The following CDH22 variants were observed in gnomAD, a reference collection of about 807,000 sequenced individuals.
The protein encoded by CDH22 is cadherin-22.
CDH22 carries 30 observed loss-of-function variants against 58.4 expected under a neutral mutation model. The ratio of observed to expected loss-of-function variants is 0.51; its 90% confidence interval spans 0.38 to 0.70. The LOEUF (loss-of-function observed/expected upper bound fraction) is 0.70, where lower values mean the gene tolerates loss of function less well. CDH22 is among the 30% of genes least tolerant of loss of function. CDH22 has a pLI of 0.00. For missense variants in CDH22, 1,014 were observed against 1,233.9 expected, an observed-to-expected ratio of 0.82 and a Z score of 2.67; for synonymous variants, 513 against 558.2, an observed-to-expected ratio of 0.92 and a Z score of 1.14.
At chr20:46,269,208 C>T (rs139195064) in intron 1 of CDH22, among the ~76,000 whole-genome samples, 11 of 152,258 alleles carry the variant, frequency 7.2e-5, no homozygotes, top group Non-Finnish European at 1.5e-4. Context: ...CTCAGTGTCC[C>T]GCTCTGCCCC....
intron 1 of CDH22, among the ~76,000 whole-genome samples, chr20:46,303,739 T>C (rs1415950692): frequency 6.6e-6 from 1 of 151,526 alleles, no homozygotes; most frequent in Non-Finnish European, 1.5e-5. Context: ...GGAGGCACAG[T>C]GGGAGATAAA....
At chr20:46,236,454 C>T (rs1021376622) in intron 3 of CDH22, among the ~76,000 whole-genome samples, 1 of 145,422 alleles carries the variant, frequency 6.9e-6, no homozygotes, top group Non-Finnish European at 1.5e-5. Context: ...GCACTCACAC[C>T]ATCAGGCATA....
chr20:46,187,072 T>C (rs2085832007), intron 8 of CDH22, 125 bp from the exon 9 acceptor site: 1 of 961,724 alleles, frequency 1.0e-6, no homozygotes, highest in Non-Finnish European at 1.5e-6. Context: ...TTAACCAAGC[T>C]GGTACAAGGA....
intron 1 of CDH22, among the ~76,000 whole-genome samples, chr20:46,289,193 T>G (rs373756127): frequency 5.3e-5 from 8 of 152,200 alleles, no homozygotes; most frequent in African/African-American, 1.4e-4. Flanking sequence ...GATGTCTGCC[T>G]GGCTCACTCT....
intron 1 of CDH22, among the ~76,000 whole-genome samples, chr20:46,297,506 C>T (rs2086633954): frequency 6.6e-6 from 1 of 151,690 alleles, no homozygotes; most frequent in Non-Finnish European, 1.5e-5. Flanking sequence ...ATTGGGGGCT[C>T]TATCTTGAGA....
intron 3 of CDH22, among the ~76,000 whole-genome samples, chr20:46,228,683 G>A (rs940832190): frequency 4.8e-4 from 73 of 152,234 alleles, no homozygotes; most frequent in African/African-American, 1.6e-3. Flanking sequence ...TTCAGGATAC[G>A]ACCCAAAGGG....
At chr20:46,183,251 C>A (rs2085801724) in intron 10 of CDH22, among the ~76,000 whole-genome samples, 1 of 152,140 alleles carries the variant, frequency 6.6e-6, no homozygotes, top group Non-Finnish European at 1.5e-5. Flanking sequence ...CTCCCTGCTG[C>A]CTCAGCCTTT....
intron 1 of CDH22, among the ~76,000 whole-genome samples, chr20:46,257,095 C>G (rs187181857): frequency 5.4e-4 from 81 of 151,246 alleles, no homozygotes; most frequent in African/African-American, 1.8e-3. Flanking sequence ...ATCATTTGAG[C>G]CCAGGAGTTC....
chr20:46,269,858 A>C (rs1034000230), intron 1 of CDH22, among the ~76,000 whole-genome samples: 4 of 152,034 alleles, frequency 2.6e-5, no homozygotes, highest in African/African-American at 9.7e-5. Context: ...CAGCCTTGTG[A>C]CTTCTTCCTA....
At position 46,210,316 on chromosome 20, in the gene CDH22, C is replaced by T; in HGVS notation, c.1277G>A (p.Arg426Gln). The T allele has an allele frequency of 1.4e-6, 2 of 1,444,838 alleles. No homozygotes were observed. Among genetic ancestry groups the T allele is most frequent in the East Asian group, 3.0e-5 (1 of 33,182 alleles). 89.5% of individuals were successfully genotyped at this position (1,444,838 alleles called of 1,614,324 possible). A position where few individuals can be genotyped will look rare whatever the true frequency, so the allele number is the denominator to read the frequency against. The part of the protein sequence containing the change: ...VTARDPDAAN[R>Q]PVRYAIDRES... ...CGGGCGGGGGTCTCACCGGACGGGC[C>T]GGTTGGCGGCGTCGGGGTCCCGCGC... Residue 426 changes from arginine to glutamine, a missense_variant, in exon 7 of 12, where the codon CGG (arginine) becomes CAG (glutamine). This residue lies in a region of CDH22 where 806 missense variants were observed against 1,038.7 expected (regional missense o/e 0.78). Transcript: ENST00000537909. This position sits in a 1 kb window ranked among gnomAD's most constrained non-coding sequence, Gnocchi z 4.5.
At chr20:46,285,133 T>A (rs952283561) in intron 1 of CDH22, among the ~76,000 whole-genome samples, 6 of 152,214 alleles carry the variant, frequency 3.9e-5, no homozygotes, top group African/African-American at 1.4e-4. Flanking sequence ...CTGGGAAGCT[T>A]GCCTTTGCAT....
At chr20:46,286,501 T>G (rs904870406) in intron 1 of CDH22, among the ~76,000 whole-genome samples, 9 of 152,094 alleles carry the variant, frequency 5.9e-5, no homozygotes, top group Admixed American at 3.9e-4. Flanking sequence ...GGGAGTGAAG[T>G]TCCAGGATCA....
intron 3 of CDH22, among the ~76,000 whole-genome samples, chr20:46,234,834 C>A (rs2145719928): frequency 6.6e-6 from 1 of 152,358 alleles, no homozygotes; most frequent in Admixed American, 6.5e-5. Context: ...GATCTGCTAC[C>A]ACTTTGAGGT....
At chr20:46,181,752 C>CTTCTTTCTTTCTTTCTCT (rs2085788979) in intron 10 of CDH22, among the ~76,000 whole-genome samples, 5 of 26,272 alleles carry the variant, frequency 1.9e-4, no homozygotes, top group Admixed American at 1.4e-3. Flanking sequence ...TCCTTCCTTC[C>CTTCTTTCTTTCTTTCTCT]TTCTTTCTTT....
chr20:46,301,768 G>A (rs866347460), intron 1 of CDH22, among the ~76,000 whole-genome samples: 3 of 152,052 alleles, frequency 2.0e-5, no homozygotes, highest in African/African-American at 7.2e-5. Flanking sequence ...CCGAGATTGC[G>A]CCCTTGCACT....
chr20:46,213,634 C>A (rs2086061014), intron 5 of CDH22, among the ~76,000 whole-genome samples: 1 of 152,158 alleles, frequency 6.6e-6, no homozygotes, highest in African/African-American at 2.4e-5. Flanking sequence ...GATGATGACG[C>A]CTGTAACATG....
At chr20:46,268,680 G>C (rs1405903711) in intron 1 of CDH22, among the ~76,000 whole-genome samples, 1 of 152,272 alleles carries the variant, frequency 6.6e-6, no homozygotes, top group Non-Finnish European at 1.5e-5. Context: ...CCTAGGATGG[G>C]AGAGGGGAGA....
At chr20:46,208,091 G>A (rs1262079647) in intron 7 of CDH22, among the ~76,000 whole-genome samples, 1 of 152,178 alleles carries the variant, frequency 6.6e-6, no homozygotes, top group Non-Finnish European at 1.5e-5. Context: ...TCAATGCCCA[G>A]CACAGGGCTA....
intron 1 of CDH22, among the ~76,000 whole-genome samples, chr20:46,296,166 AGAG>A (rs1350474160): frequency 6.6e-6 from 1 of 152,186 alleles, no homozygotes; most frequent in Admixed American, 6.5e-5. Context: ...GACAGATATA[AGAG>A]AAGAGGCACC....
Sources: gnomAD v4.1 joint callset for allele counts (sites outside exome capture counted in the v4.1 genomes callset) on GRCh38, gnomAD v4.1.1 for gene constraint, gnomAD v4.1.1 regional missense constraint, Gnocchi (gnomAD v3.1) non-coding constraint, MANE v1.5 for transcripts, NCBI Gene and HGNC (gene_info 2026-07-23, HGNC 2026-07-21) for gene names.